AFG2A: variants seen among roughly 807,000 people sequenced by gnomAD.
AFG2A encodes ATPase family gene 2 protein homolog A.
At chr4:123,079,037 A>G in the AFG2A span, among the ~76,000 whole-genome samples, 1 of 152,114 alleles carries the variant, frequency 6.6e-6, no homozygotes, top group African/African-American at 2.4e-5. Context: ...TATGAGGGGA[A>G]TGGTGTTAGG....
the AFG2A span, among the ~76,000 whole-genome samples, chr4:122,997,560 G>A: frequency 6.6e-6 from 1 of 152,100 alleles, no homozygotes. Flanking sequence ...CAATTGGGTT[G>A]TTTCTACTTT....
the AFG2A span, chr4:122,934,143 T>C: frequency 1.2e-6 from 2 of 1,613,996 alleles, no homozygotes; most frequent in Non-Finnish European, 1.7e-6. Context: ...GTACATTCTA[T>C]GGACGACCGT....
the AFG2A span, among the ~76,000 whole-genome samples, chr4:122,936,657 C>T: frequency 3.3e-5 from 5 of 152,032 alleles, no homozygotes; most frequent in Non-Finnish European, 4.4e-5. Context: ...CCAGCCTGGG[C>T]AACATAGTGG....
At chr4:123,174,131 A>G in the AFG2A span, among the ~76,000 whole-genome samples, 1 of 152,222 alleles carries the variant, frequency 6.6e-6, no homozygotes, top group Admixed American at 6.5e-5. Flanking sequence ...AATAGTTTCA[A>G]GCTATATACT....
chr4:123,316,290 A>G, the AFG2A span: 3 of 152,210 alleles, frequency 2.0e-5, no homozygotes, highest in Admixed American at 1.3e-4. Context: ...ATTACAATTA[A>G]ATAATATTTA....
At chr4:122,923,187 A>C in the AFG2A span, 1 of 1,614,248 alleles carries the variant, frequency 6.2e-7, no homozygotes, top group Non-Finnish European at 8.5e-7. Flanking sequence ...AAAGCGCGGA[A>C]AATGGTTCGT....
chr4:123,040,387 C>CT, the AFG2A span, among the ~76,000 whole-genome samples: 1 of 152,174 alleles, frequency 6.6e-6, no homozygotes, highest in East Asian at 1.9e-4. Flanking sequence ...ATAATCTGGC[C>CT]TGCAGTGTAT....
chr4:123,054,958 C>T, the AFG2A span, among the ~76,000 whole-genome samples: 19 of 152,166 alleles, frequency 1.2e-4, no homozygotes, highest in East Asian at 7.7e-4. Flanking sequence ...TCCTAAACAT[C>T]GTTTATACTG....
the AFG2A span, among the ~76,000 whole-genome samples, chr4:123,148,395 A>G: frequency 6.6e-6 from 1 of 152,196 alleles, no homozygotes; most frequent in East Asian, 1.9e-4. Context: ...AGTAGTGAAG[A>G]GTGGGTGGTT....
chr4:123,291,691 CTT>C, the AFG2A span, among the ~76,000 whole-genome samples: 1 of 152,222 alleles, frequency 6.6e-6, no homozygotes, highest in South Asian at 2.1e-4. Context: ...GGACACCAAT[CTT>C]TTCTGGCTTA....
the AFG2A span, chr4:122,936,220 C>T: frequency 7.9e-7 from 1 of 1,265,378 alleles, no homozygotes; most frequent in Non-Finnish European, 1.1e-6. Flanking sequence ...AAGTGAGATA[C>T]TAGCACCTTA....
At chr4:123,193,987 T>C in the AFG2A span, among the ~76,000 whole-genome samples, 1 of 152,182 alleles carries the variant, frequency 6.6e-6, no homozygotes, top group Non-Finnish European at 1.5e-5. Flanking sequence ...TGAGTATTGA[T>C]TGAAAGGAAA....
chr4:123,203,529 C>T, the AFG2A span, among the ~76,000 whole-genome samples: 2 of 152,148 alleles, frequency 1.3e-5, no homozygotes, highest in Non-Finnish European at 2.9e-5. Context: ...GCACCTGCCT[C>T]GGCCTCCTAA....
chr4:123,012,582 G>A, the AFG2A span, among the ~76,000 whole-genome samples: 15 of 152,148 alleles, frequency 9.9e-5, no homozygotes, highest in African/African-American at 2.9e-4. Flanking sequence ...AGGCATCCCC[G>A]CAGTGATTAA....
At chr4:123,277,790 T>C in the AFG2A span, among the ~76,000 whole-genome samples, 1 of 152,220 alleles carries the variant, frequency 6.6e-6, no homozygotes, top group East Asian at 1.9e-4. Context: ...GATTTGTATA[T>C]GCTGAACCAA....
chr4:123,313,352 A>G, the AFG2A span, among the ~76,000 whole-genome samples: 1 of 152,258 alleles, frequency 6.6e-6, no homozygotes, highest in Non-Finnish European at 1.5e-5. Context: ...TTAAGAACTC[A>G]TTAAAGAGAT....
the AFG2A span, among the ~76,000 whole-genome samples, chr4:123,178,597 G>A: frequency 6.6e-6 from 1 of 152,024 alleles, no homozygotes; most frequent in Admixed American, 6.5e-5. Flanking sequence ...CAGACTTGCA[G>A]GTTTGAACTC....
At chr4:123,176,072 A>G in the AFG2A span, among the ~76,000 whole-genome samples, 8,741 of 152,250 alleles carry the variant, frequency 0.057, 441 homozygotes, top group African/African-American at 0.13. Flanking sequence ...ACCATGATTG[A>G]TTATCTTAAT....
chr4:123,060,576 G>A, the AFG2A span, among the ~76,000 whole-genome samples: 3 of 152,178 alleles, frequency 2.0e-5, no homozygotes, highest in Non-Finnish European at 2.9e-5. Context: ...TGCCTGGAGC[G>A]GCTGGGATGC....
Sources: gnomAD v4.1 joint callset for allele counts (sites outside exome capture counted in the v4.1 genomes callset) on GRCh38, gnomAD v4.1.1 for gene constraint, MANE v1.5 for transcripts, NCBI Gene and HGNC (gene_info 2026-07-23, HGNC 2026-07-21) for gene names.